GRID2: variants seen among roughly 807,000 people sequenced by gnomAD.
GRID2 encodes glutamate ionotropic receptor delta type subunit 2, also known as glutamate receptor ionotropic, delta-2.
In GRID2, 33 loss-of-function variants were observed where a neutral mutation model predicts 114.8. The observed-to-expected ratio is 0.29, with a 90% CI of 0.22 to 0.38. The LOEUF is 0.38. Ranked by LOEUF, GRID2 falls within the 10% of genes least tolerant of loss-of-function variation. GRID2 has a pLI of 1.00. For missense variants in GRID2, 1,184 were observed against 1,257.7 expected, an observed-to-expected ratio of 0.94 and a Z score of 0.89; for synonymous variants, 505 against 449.9, an observed-to-expected ratio of 1.12 and a Z score of -1.55.
intron 2 of GRID2, among the ~76,000 whole-genome samples, chr4:92,962,553 G>A (rs1752891816): frequency 6.6e-6 from 1 of 151,974 alleles, no homozygotes; most frequent in Non-Finnish European, 1.5e-5. Context: ...TTAACCCCCA[G>A]TAGGTTAGGT....
At chr4:93,556,858 C>T (rs1734370055) in intron 13 of GRID2, among the ~76,000 whole-genome samples, 1 of 152,154 alleles carries the variant, frequency 6.6e-6, no homozygotes, top group Non-Finnish European at 1.5e-5. Flanking sequence ...TTGGGTTACC[C>T]ACAAAGGGAA....
intron 12 of GRID2, among the ~76,000 whole-genome samples, chr4:93,512,988 T>C (rs1334466974): frequency 6.6e-6 from 1 of 152,144 alleles, no homozygotes; most frequent in Non-Finnish European, 1.5e-5. Context: ...TATATTTAAA[T>C]GAAGGCACTG....
At chr4:92,666,699 C>G (rs2169949) in intron 2 of GRID2, among the ~76,000 whole-genome samples, 1,344 of 131,558 alleles carry the variant, frequency 0.01, 30 homozygotes, top group African/African-American at 0.035. Context: ...GCATTTCTCC[C>G]TGGGCATTCC....
chr4:92,762,643 A>G (rs750552942), intron 2 of GRID2, among the ~76,000 whole-genome samples: 22 of 152,144 alleles, frequency 1.4e-4, no homozygotes, highest in Non-Finnish European at 1.2e-4. Flanking sequence ...TTTTCCCTCA[A>G]AAAGTTGTAT....
chr4:93,102,225 A>T (rs959199170), intron 3 of GRID2, among the ~76,000 whole-genome samples: 1 of 152,120 alleles, frequency 6.6e-6, no homozygotes, highest in African/African-American at 2.4e-5. Flanking sequence ...TCGCAAAACT[A>T]CTGCATTGGG....
intron 4 of GRID2, among the ~76,000 whole-genome samples, chr4:93,170,761 C>G (rs1738730982): frequency 6.6e-6 from 1 of 152,090 alleles, no homozygotes; most frequent in South Asian, 2.1e-4. Flanking sequence ...TACCCGACTG[C>G]CTATTGCGCA....
chr4:93,223,163 G>A (rs1745091294), intron 6 of GRID2, among the ~76,000 whole-genome samples: 1 of 151,982 alleles, frequency 6.6e-6, no homozygotes, highest in African/African-American at 2.4e-5. Flanking sequence ...ACTAGTTTTA[G>A]CTGTATAGCA....
intron 2 of GRID2, among the ~76,000 whole-genome samples, chr4:92,766,655 A>G (rs976334162): frequency 6.6e-6 from 1 of 152,202 alleles, no homozygotes; most frequent in Admixed American, 6.5e-5. Context: ...GGTCATATAC[A>G]TAAAAGAATA....
chr4:92,980,301 G>A (rs567162550), intron 2 of GRID2, among the ~76,000 whole-genome samples: 1 of 151,364 alleles, frequency 6.6e-6, no homozygotes, highest in Non-Finnish European at 1.5e-5. Context: ...TGCACTTGAG[G>A]TTCAGAAAAA....
chr4:93,537,280 T>G (rs1230592548), intron 13 of GRID2, among the ~76,000 whole-genome samples: 1 of 151,794 alleles, frequency 6.6e-6, no homozygotes, highest in Non-Finnish European at 1.5e-5. Context: ...ATTTTATGCC[T>G]TCTTTTAGTG....
intron 14 of GRID2, among the ~76,000 whole-genome samples, chr4:93,677,135 C>A (rs527556879): frequency 5.1e-4 from 78 of 152,364 alleles, no homozygotes; most frequent in African/African-American, 1.6e-3. Flanking sequence ...TATCCCGCAC[C>A]TGGCTCGGAG....
In GRID2 at chr4:93,644,250, G is replaced by T. The variant is rs546662025; in HGVS notation, c.2360+17815G>T. Among the ~76,000 whole-genome samples the T allele has an allele frequency of 1.8e-5, 2 of 108,986 alleles. 1 individual carries two copies. Among genetic ancestry groups the T allele is most frequent in the Non-Finnish European group, 3.7e-5 (2 of 53,968 alleles). The allele number at this position is 108,986 out of a possible 152,430, so 71.5% of individuals were successfully genotyped here. A position where few individuals can be genotyped will look rare whatever the true frequency, so the allele number is the denominator to read the frequency against. On this transcript the variant is annotated intron_variant, in intron 14 of 15. Transcript: ENST00000282020. Reference sequence around the variant, plus strand: ...TGAGATGAACCCGGTACCTCAGATGGAAATGCAGAAATCACCGTCTTCTGC... The same window carrying T: ...TGAGATGAACCCGGTACCTCAGATGTAAATGCAGAAATCACCGTCTTCTGC...
At chr4:93,465,547 G>C (rs1012459652) in intron 11 of GRID2, among the ~76,000 whole-genome samples, 1 of 152,056 alleles carries the variant, frequency 6.6e-6, no homozygotes, top group African/African-American at 2.4e-5. Context: ...GACTTCATCA[G>C]GTGTTTGAGA....
At chr4:93,673,170 AT>A (rs1411160607) in intron 14 of GRID2, among the ~76,000 whole-genome samples, 1 of 152,186 alleles carries the variant, frequency 6.6e-6, no homozygotes, top group African/African-American at 2.4e-5. Flanking sequence ...TACAGTAGAG[AT>A]TAAACAGAGC....
intron 2 of GRID2, among the ~76,000 whole-genome samples, chr4:92,872,450 A>T (rs1049558155): frequency 6.6e-6 from 1 of 152,180 alleles, no homozygotes; most frequent in Non-Finnish European, 1.5e-5. Flanking sequence ...TATTTTTGGT[A>T]AGGAGAAATG....
rs542439939 is a variant in GRID2, at chr4:92,875,650, C to T, written c.245-209345C>T. Among the ~76,000 whole-genome samples the T allele has an allele frequency of 1.0e-3, 153 of 151,982 alleles. 1 individual carries two copies. The highest frequency in any genetic ancestry group is 3.6e-3 in the African/African-American group (151 of 41,444). On this transcript the variant is annotated intron_variant, in intron 2 of 15. Transcript: ENST00000282020. ...ATATACATGGTGTGCAGATATGGCACAATACATGGGGGTGGGCTGAATTTT... is the reference window on the plus strand; with the variant it reads ...ATATACATGGTGTGCAGATATGGCATAATACATGGGGGTGGGCTGAATTTT...
intron 4 of GRID2, among the ~76,000 whole-genome samples, chr4:93,132,131 A>T (rs1214465044): frequency 6.6e-6 from 1 of 152,232 alleles, no homozygotes; most frequent in Non-Finnish European, 1.5e-5. Flanking sequence ...AAATTAACAT[A>T]GCACAGTATA....
intron 2 of GRID2, among the ~76,000 whole-genome samples, chr4:92,984,645 T>C (rs1578675428): frequency 6.6e-6 from 1 of 152,316 alleles, no homozygotes; most frequent in Non-Finnish European, 1.5e-5. Flanking sequence ...GAGAAGTGAA[T>C]AGCCTACTGA....
At chr4:93,584,405 T>G (rs1737328569) in intron 13 of GRID2, among the ~76,000 whole-genome samples, 1 of 152,134 alleles carries the variant, frequency 6.6e-6, no homozygotes, top group Non-Finnish European at 1.5e-5. Flanking sequence ...CAATTCTTTT[T>G]GATAAACATT....
Sources: allele counts gnomAD v4.1 joint callset (sites outside exome capture counted in the v4.1 genomes callset), GRCh38; gene constraint gnomAD v4.1.1; transcripts MANE v1.5; gene names NCBI Gene and HGNC (gene_info 2026-07-23, HGNC 2026-07-21).